The following ST3GAL2 variants were observed in gnomAD, a reference collection of about 807,000 sequenced individuals.
ST3GAL2 encodes CMP-N-acetylneuraminate-beta-galactosamide-alpha-2,3-sialyltransferase 2.
A neutral mutation model predicts 37.5 loss-of-function variants in ST3GAL2; 16 were observed. The observed-to-expected ratio is 0.43, with a 90% CI of 0.29 to 0.65. ST3GAL2 has a LOEUF of 0.65. Among genes scored for constraint, ST3GAL2 ranks in the 30% least tolerant of loss-of-function variants. ST3GAL2 has a pLI of 0.17. For missense variants in ST3GAL2, 383 were observed against 487.8 expected, an observed-to-expected ratio of 0.79 and a Z score of 2.02; for synonymous variants, 238 against 202.9, an observed-to-expected ratio of 1.17 and a Z score of -1.47.
chr16:70,386,671 G>C (rs547382719), intron 4 of ST3GAL2, among the ~76,000 whole-genome samples: 26 of 151,936 alleles, frequency 1.7e-4, no homozygotes, highest in Middle Eastern at 3.4e-3. Flanking sequence ...TTGAGACAGA[G>C]TTTTGCTCTT....
intron 1 of ST3GAL2, among the ~76,000 whole-genome samples, chr16:70,423,234 C>T (rs2047727603): frequency 6.6e-6 from 1 of 152,212 alleles, no homozygotes; most frequent in Non-Finnish European, 1.5e-5. Flanking sequence ...TTAGGCTGGG[C>T]GCGGTGGCTC....
rs1301644629 is a variant in ST3GAL2 at position 70,389,360 on chromosome 16, G to A, written c.534-814C>T. On this transcript the variant is annotated intron_variant, in intron 3 of 6. Transcript: ENST00000342907. ...ACTCTGTCACCCAGGCTGGAGTGCA[G>A]TGGTGCTATCTCGGCTCACTGCAAT... 3.9e-5 allele frequency among the ~76,000 whole-genome samples: 6 copies of A among 151,928 alleles called. No individual in the cohort carries two copies. The South Asian group carries it at 8.3e-4, about 21-fold the overall frequency.
At chr16:70,416,625 CCATT>C (rs1258873922) in intron 1 of ST3GAL2, among the ~76,000 whole-genome samples, 8 of 152,060 alleles carry the variant, frequency 5.3e-5, no homozygotes, top group Non-Finnish European at 1.2e-4. Flanking sequence ...TGCTTTGAAA[CCATT>C]ATTATGAATT....
At chr16:70,403,519 A>C (rs1384405250) in intron 1 of ST3GAL2, among the ~76,000 whole-genome samples, 33 of 152,186 alleles carry the variant, frequency 2.2e-4, no homozygotes, top group Admixed American at 2.2e-3. Flanking sequence ...CCATCTCCAC[A>C]AAAAAGTAAA....
Position 70,378,726 on chromosome 16 carries a change from T to A in ST3GAL2, c.*2963A>T, listed in dbSNP as rs1300537965. The A allele has an allele frequency of 6.7e-6, 1 of 148,254 alleles. No homozygotes were observed. The highest frequency in any genetic ancestry group is 2.5e-5 in the African/African-American group (1 of 39,900). The allele number at this position is 148,254 out of a possible 1,614,324, so 9.2% of individuals were successfully genotyped here. On this transcript the variant is annotated 3_prime_UTR_variant, in exon 7 of 7. Transcript: ENST00000342907. ...AAAAAAAAAAATCGGCCAGGCACAC[T>A]GGCTCACGCCTGTAATCCCAGCACT...
At position 70,398,542 on chromosome 16, in the gene ST3GAL2, G is replaced by A. The variant is rs1459589721; in HGVS notation, c.-12C>T. On this transcript the variant is annotated 5_prime_UTR_variant, in exon 2 of 7. Coordinates refer to ENST00000342907, the MANE Select transcript of ST3GAL2 (RefSeq NM_006927.4). The stretch of plus-strand genomic sequence containing the variant: ...AGGGAGCACTTCATGGTGCCGGCAG[G>A]CGGGTGACGGTCACCGTGGCCACTC... 3.2e-6 allele frequency: 5 copies of A among 1,578,236 alleles called. No individual in the cohort carries two copies.
chr16:70,407,808 C>T (rs555101996), intron 1 of ST3GAL2, among the ~76,000 whole-genome samples: 2 of 152,198 alleles, frequency 1.3e-5, no homozygotes, highest in African/African-American at 4.8e-5. Flanking sequence ...AGCCAATTCT[C>T]GGTCAGATCC....
intron 1 of ST3GAL2, among the ~76,000 whole-genome samples, chr16:70,428,237 A>T (rs1001742078): frequency 2.6e-5 from 4 of 152,146 alleles, no homozygotes; most frequent in African/African-American, 7.2e-5. Context: ...TGGGAAAGGG[A>T]GCTGGTGGCC....
At chr16:70,411,118 C>T (rs2047635459) in intron 1 of ST3GAL2, among the ~76,000 whole-genome samples, 1 of 152,160 alleles carries the variant, frequency 6.6e-6, no homozygotes, top group African/African-American at 2.4e-5. Context: ...GGCGCAGTGG[C>T]TCACAACTGT....
chr16:70,438,767 C>T (rs2047845496), intron 1 of ST3GAL2, among the ~76,000 whole-genome samples, 182 bp downstream of exon 1: 1 of 152,040 alleles, frequency 6.6e-6, no homozygotes, highest in Non-Finnish European at 1.5e-5. Flanking sequence ...CGGAATGAGG[C>T]CAACGCGCGC....
At chr16:70,433,338 C>T (rs186707916) in intron 1 of ST3GAL2, among the ~76,000 whole-genome samples, 3 of 152,262 alleles carry the variant, frequency 2.0e-5, no homozygotes, top group East Asian at 1.9e-4. Flanking sequence ...ACCCTGCTGC[C>T]AGTTTGCCCT....
intron 1 of ST3GAL2, among the ~76,000 whole-genome samples, chr16:70,436,750 A>G (rs1035029096): frequency 1.8e-4 from 28 of 152,286 alleles, no homozygotes; most frequent in African/African-American, 6.0e-4. Flanking sequence ...AACACCCACT[A>G]GGTGCTAAGG....
chr16:70,417,491 C>T (rs932039107), intron 1 of ST3GAL2, among the ~76,000 whole-genome samples: 1 of 152,274 alleles, frequency 6.6e-6, no homozygotes, highest in East Asian at 1.9e-4. Context: ...CCCCAGCCCC[C>T]ACTTTAGCAC....
At chr16:70,384,811 G>C (rs913809805) in intron 4 of ST3GAL2, among the ~76,000 whole-genome samples, 1 of 149,846 alleles carries the variant, frequency 6.7e-6, no homozygotes, top group Non-Finnish European at 1.5e-5. Context: ...GATCACCTGA[G>C]GTCAGGGGTT....
intron 1 of ST3GAL2, among the ~76,000 whole-genome samples, chr16:70,421,141 C>T (rs1055108054): frequency 6.6e-6 from 1 of 152,224 alleles, no homozygotes; most frequent in Non-Finnish European, 1.5e-5. Flanking sequence ...TGCCTGAGAG[C>T]CCAGCACACA....
chr16:70,414,286 G>A (rs540308078), intron 1 of ST3GAL2, among the ~76,000 whole-genome samples: 3 of 152,280 alleles, frequency 2.0e-5, no homozygotes, highest in Admixed American at 2.0e-4. Flanking sequence ...GTCAACTGAA[G>A]AAAGGCCCAA....
chr16:70,420,695 G>A (rs887393922), intron 1 of ST3GAL2, among the ~76,000 whole-genome samples: 7 of 152,192 alleles, frequency 4.6e-5, no homozygotes, highest in African/African-American at 1.4e-4. Flanking sequence ...TTCTTTGCAC[G>A]CCCTATCTTT....
intron 1 of ST3GAL2, among the ~76,000 whole-genome samples, chr16:70,410,906 T>G (rs1597569105): frequency 6.8e-6 from 1 of 147,832 alleles, no homozygotes; most frequent in Non-Finnish European, 1.5e-5. Context: ...GCCAACAGAA[T>G]CCTGATTTGT....
intron 3 of ST3GAL2, among the ~76,000 whole-genome samples, chr16:70,389,011 T>C (rs1441973598): frequency 2.7e-5 from 4 of 146,320 alleles, no homozygotes; most frequent in African/African-American, 1.0e-4. Context: ...GAGGCAGAGA[T>C]TGCAGTGAGC....
Sources: allele counts gnomAD v4.1 joint callset (sites outside exome capture counted in the v4.1 genomes callset), GRCh38; gene constraint gnomAD v4.1.1; transcripts MANE v1.5; gene names NCBI Gene and HGNC (gene_info 2026-07-23, HGNC 2026-07-21).